B3GALT1: variants seen among roughly 807,000 people sequenced by gnomAD.
B3GALT1 encodes the protein UDP-Gal:betaGlcNAc beta 1,3-galactosyltransferase, polypeptide 1.
Under a neutral mutation model 23.2 loss-of-function variants are expected in B3GALT1, and 10 were observed. The ratio of observed to expected loss-of-function variants is 0.43; its 90% CI spans 0.27 to 0.73. The LOEUF is 0.73. Ranked by LOEUF, B3GALT1 falls within the 30% of genes least tolerant of loss-of-function variation. The probability of loss-of-function intolerance (pLI) is 0.21; values close to 1 mark genes in which losing one functional copy is unlikely to be tolerated. For synonymous variants in B3GALT1, 156 were observed against 141.5 expected (o/e 1.10, Z -0.73); for missense variants, 299 against 405.4 (o/e 0.74, Z 2.25).
intron 4 of B3GALT1, among the ~76,000 whole-genome samples, chr2:167,837,124 G>A (rs1183771523): frequency 5.9e-5 from 9 of 152,090 alleles, no homozygotes; most frequent in Non-Finnish European, 1.2e-4. Context: ...ATCAACTAAG[G>A]AGCAAAATAA....
chr2:167,687,450 T>C (rs965214162), intron 3 of B3GALT1, among the ~76,000 whole-genome samples: 3 of 152,146 alleles, frequency 2.0e-5, no homozygotes, highest in Non-Finnish European at 4.4e-5. Context: ...TAAATTATTA[T>C]GCCAAAGGTT....
intron 3 of B3GALT1, among the ~76,000 whole-genome samples, chr2:167,740,274 C>T (rs1406959232): frequency 6.6e-6 from 1 of 151,870 alleles, no homozygotes; most frequent in Non-Finnish European, 1.5e-5. Context: ...TGGTACCTAC[C>T]ATCTCTAATT....
At chr2:167,691,916 T>C (rs934250762) in intron 3 of B3GALT1, among the ~76,000 whole-genome samples, 4 of 152,076 alleles carry the variant, frequency 2.6e-5, no homozygotes, top group African/African-American at 9.7e-5. Flanking sequence ...ATAAAGTAAG[T>C]AGAGCTTGTA....
At chr2:167,572,281 G>A (rs1398968214) in intron 2 of B3GALT1, among the ~76,000 whole-genome samples, 1 of 151,686 alleles carries the variant, frequency 6.6e-6, no homozygotes, top group Non-Finnish European at 1.5e-5. Flanking sequence ...ATATGTAAAT[G>A]CTATCTGTTC....
intron 3 of B3GALT1, among the ~76,000 whole-genome samples, chr2:167,694,694 T>G (rs1686766391): frequency 6.6e-6 from 1 of 152,098 alleles, no homozygotes; most frequent in African/African-American, 2.4e-5. Flanking sequence ...TATAAAGTTC[T>G]TTAGTGTTAT....
chr2:167,305,717 TTTATTGTGAA>T (rs1696541752), intron 1 of B3GALT1, among the ~76,000 whole-genome samples: 1 of 152,108 alleles, frequency 6.6e-6, no homozygotes, highest in African/African-American at 2.4e-5. Flanking sequence ...TGTATACACA[TTTATTGTGAA>T]CTAATCTCAT....
intron 1 of B3GALT1, among the ~76,000 whole-genome samples, chr2:167,375,415 A>G: frequency 6.6e-6 from 1 of 152,074 alleles, no homozygotes; most frequent in Admixed American, 6.6e-5. Context: ...CGTTGAATCT[A>G]TAGATTGCTT....
intron 3 of B3GALT1, among the ~76,000 whole-genome samples, chr2:167,669,483 C>T (rs184151126): frequency 2.5e-3 from 380 of 151,620 alleles, no homozygotes; most frequent in Non-Finnish European, 4.4e-3. Context: ...AAGGAATTTC[C>T]CAGTGTGAAA....
intron 2 of B3GALT1, among the ~76,000 whole-genome samples, chr2:167,545,602 A>G (rs148730060): frequency 1.2e-3 from 190 of 152,214 alleles, no homozygotes; most frequent in Admixed American, 2.5e-3. Flanking sequence ...TTAGCCACCT[A>G]GTCCCTCAAT....
chr2:167,511,827 A>G (rs950474894), intron 2 of B3GALT1, among the ~76,000 whole-genome samples: 1 of 152,154 alleles, frequency 6.6e-6, no homozygotes, highest in African/African-American at 2.4e-5. Context: ...AAAATAACTA[A>G]TAAGATGGAC....
At chr2:167,727,254 T>C (rs1232971023) in intron 3 of B3GALT1, among the ~76,000 whole-genome samples, 4 of 152,184 alleles carry the variant, frequency 2.6e-5, no homozygotes, top group Non-Finnish European at 5.9e-5. Flanking sequence ...TTATAGCTCA[T>C]TTTCTAGTGT....
intron 3 of B3GALT1, among the ~76,000 whole-genome samples, chr2:167,744,149 T>C (rs985977107): frequency 3.9e-5 from 6 of 152,146 alleles, no homozygotes; most frequent in African/African-American, 1.4e-4. Context: ...TGGCTTACTA[T>C]GTGAATAATT....
chr2:167,775,037 C>A (rs933747957), intron 3 of B3GALT1, among the ~76,000 whole-genome samples: 1 of 152,072 alleles, frequency 6.6e-6, no homozygotes, highest in Admixed American at 6.6e-5. Flanking sequence ...TACATTTAAC[C>A]CCTTGGAAAG....
At chr2:167,762,892 T>G (rs1687918019) in intron 3 of B3GALT1, among the ~76,000 whole-genome samples, 1 of 152,228 alleles carries the variant, frequency 6.6e-6, no homozygotes, top group Admixed American at 6.5e-5. Flanking sequence ...ACTGATCTTT[T>G]GCCAAAAATG....
intron 1 of B3GALT1, among the ~76,000 whole-genome samples, chr2:167,470,655 C>T (rs1699409161): frequency 6.6e-6 from 1 of 151,926 alleles, no homozygotes; most frequent in Non-Finnish European, 1.5e-5. Context: ...ATTGTCCCAC[C>T]CCCATAATCT....
At chr2:167,646,702 GA>G in intron 2 of B3GALT1, among the ~76,000 whole-genome samples, 1 of 152,046 alleles carries the variant, frequency 6.6e-6, no homozygotes, top group East Asian at 1.9e-4. Flanking sequence ...CTTGTGAGAA[GA>G]AAAAGAAATA....
intron 3 of B3GALT1, among the ~76,000 whole-genome samples, chr2:167,690,703 T>C (rs569818266): frequency 1.3e-5 from 2 of 152,282 alleles, no homozygotes; most frequent in African/African-American, 4.8e-5. Context: ...AAAGCTGCAA[T>C]TGTGTTTCAA....
chr2:167,648,411 T>A (rs143150091), intron 3 of B3GALT1, among the ~76,000 whole-genome samples: 32 of 152,216 alleles, frequency 2.1e-4, no homozygotes, highest in African/African-American at 7.0e-4. Flanking sequence ...ATCCCCTTTC[T>A]CATGTCCATC....
chr2:167,569,767 T>G (rs1004613374), intron 2 of B3GALT1, among the ~76,000 whole-genome samples: 6 of 151,954 alleles, frequency 3.9e-5, no homozygotes, highest in African/African-American at 1.4e-4. Context: ...TTCAAGTTTC[T>G]GACCACTAAG....
Sources: gnomAD v4.1 joint callset for allele counts (sites outside exome capture counted in the v4.1 genomes callset) on GRCh38, gnomAD v4.1.1 for gene constraint, MANE v1.5 for transcripts, NCBI Gene and HGNC (gene_info 2026-07-23, HGNC 2026-07-21) for gene names.